The following WASF1 variants were observed in gnomAD, a reference collection of about 807,000 sequenced individuals.
The protein encoded by WASF1 is actin-binding protein WASF1.
In WASF1, 7 loss-of-function variants were observed where a neutral mutation model predicts 50.5. The observed-to-expected ratio is 0.14, with a 90% CI of 0.08 to 0.26. The LOEUF (loss-of-function observed/expected upper bound fraction) is 0.26. Ranked by LOEUF, WASF1 falls within the 10% of genes least tolerant of loss-of-function variation. The pLI is 1.00. For synonymous variants in WASF1, 205 were observed against 244.0 expected (o/e 0.84, Z 1.49); for missense variants, 470 against 694.7 (o/e 0.68, Z 3.64).
At chr6:110,160,894 A>G (rs540676599) in intron 2 of WASF1, among the ~76,000 whole-genome samples, 162 bp from the exon 3 acceptor site, 1 of 151,778 alleles carries the variant, frequency 6.6e-6, no homozygotes, top group African/African-American at 2.4e-5. Context: ...ATAGGAAATG[A>G]GAGGATCAAT....
chr6:110,140,512 G>A (rs1271232749), intron 3 of WASF1, among the ~76,000 whole-genome samples: 1 of 152,124 alleles, frequency 6.6e-6, no homozygotes, highest in Non-Finnish European at 1.5e-5. Flanking sequence ...GGTATCTCAA[G>A]AGGTGGCAGT....
At chr6:110,145,777 A>G (rs978232147) in intron 3 of WASF1, among the ~76,000 whole-genome samples, 1 of 152,184 alleles carries the variant, frequency 6.6e-6, no homozygotes, top group Non-Finnish European at 1.5e-5. Flanking sequence ...TGGCACATAT[A>G]TACCATGGAA....
At chr6:110,134,750 C>T (rs977168577) in intron 3 of WASF1, among the ~76,000 whole-genome samples, 15 of 152,016 alleles carry the variant, frequency 9.9e-5, no homozygotes, top group African/African-American at 3.6e-4. Context: ...TATACCAGTA[C>T]CATGTTGTTT....
intron 3 of WASF1, 83 bp from the exon 4 acceptor site, chr6:110,127,712 C>T: frequency 8.0e-7 from 1 of 1,250,056 alleles, no homozygotes; most frequent in Non-Finnish European, 1.0e-6. Flanking sequence ...AAGAATAAAG[C>T]ACTGTTGACC....
At chr6:110,144,084 G>T (rs1775409859) in intron 3 of WASF1, among the ~76,000 whole-genome samples, 1 of 152,142 alleles carries the variant, frequency 6.6e-6, no homozygotes, top group Admixed American at 6.5e-5. Context: ...CACCAACAGT[G>T]TAAAAGTGTT....
Position 110,100,427 on chromosome 6 carries a change from A to G in WASF1, c.*95T>C, listed in dbSNP as rs1357113817. ...AAGGGTCATTTATTATAAGGAAAAG[A>G]AAGCAAAACACTAGAATGACCAAAC... On this transcript the variant is annotated 3_prime_UTR_variant, in exon 11 of 11. Coordinates refer to ENST00000392589, the MANE Select transcript of WASF1 (RefSeq NM_003931.3). The G allele has an allele frequency of 5.8e-6, 7 of 1,214,622 alleles. No homozygotes were observed. Among genetic ancestry groups the G allele is most frequent in the Non-Finnish European group, 7.6e-6 (7 of 917,360 alleles). The allele number at this position is 1,214,622 out of a possible 1,614,324, so 75.2% of individuals were successfully genotyped here. A position where few individuals can be genotyped will look rare whatever the true frequency, so the allele number is the denominator to read the frequency against.
chr6:110,144,572 T>A (rs1018805667), intron 3 of WASF1, among the ~76,000 whole-genome samples: 2 of 152,228 alleles, frequency 1.3e-5, no homozygotes, highest in African/African-American at 4.8e-5. Flanking sequence ...GCCTAGGTTT[T>A]CTTCTAGGGT....
intron 4 of WASF1, among the ~76,000 whole-genome samples, chr6:110,115,197 T>G: frequency 6.8e-6 from 1 of 147,120 alleles, no homozygotes. Flanking sequence ...CAGATGAGAG[T>G]GTCCTATTCC....
intron 3 of WASF1, among the ~76,000 whole-genome samples, chr6:110,148,529 G>T (rs1230641053): frequency 6.6e-6 from 1 of 152,146 alleles, no homozygotes; most frequent in Admixed American, 6.6e-5. Context: ...TAGAATGAAA[G>T]GTGGACAGGG....
At chr6:110,166,022 A>C (rs1456859856) in intron 2 of WASF1, among the ~76,000 whole-genome samples, 2 of 151,790 alleles carry the variant, frequency 1.3e-5, no homozygotes, top group Non-Finnish European at 1.5e-5. Flanking sequence ...GCAGTAGGGC[A>C]AAGTTATATT....
chr6:110,104,466 G>T (rs1045439539), intron 8 of WASF1, among the ~76,000 whole-genome samples: 1 of 152,062 alleles, frequency 6.6e-6, no homozygotes, highest in African/African-American at 2.4e-5. Context: ...TTACTTAAAA[G>T]AAAACCTTAA....
At chr6:110,119,429 A>G (rs1773979012) in intron 4 of WASF1, among the ~76,000 whole-genome samples, 1 of 152,258 alleles carries the variant, frequency 6.6e-6, no homozygotes, top group South Asian at 2.1e-4. Context: ...CAAATAAACT[A>G]GAAAATCTAG....
At chr6:110,178,368 G>A (rs1777024974) in intron 2 of WASF1, among the ~76,000 whole-genome samples, 1 of 152,128 alleles carries the variant, frequency 6.6e-6, no homozygotes. Context: ...TTCTAATTAT[G>A]ATATAATGCT....
intron 5 of WASF1, among the ~76,000 whole-genome samples, chr6:110,110,367 A>G (rs1346539123): frequency 6.6e-6 from 1 of 152,244 alleles, no homozygotes; most frequent in Non-Finnish European, 1.5e-5. Context: ...GGCTCCTGCC[A>G]GAAGTGGGTT....
At chr6:110,131,040 A>G in intron 3 of WASF1, among the ~76,000 whole-genome samples, 1 of 152,072 alleles carries the variant, frequency 6.6e-6, no homozygotes, top group Non-Finnish European at 1.5e-5. Context: ...TTGTTGTGTT[A>G]GGGCTGATTT....
intron 3 of WASF1, among the ~76,000 whole-genome samples, chr6:110,160,404 GGA>G (rs1776215806): frequency 6.6e-6 from 1 of 151,668 alleles, no homozygotes; most frequent in Non-Finnish European, 1.5e-5. Flanking sequence ...TTTGAGCCTA[GGA>G]GAGTGTGCTA....
At chr6:110,108,925 C>T (rs991903225) in intron 5 of WASF1, among the ~76,000 whole-genome samples, 1 of 152,140 alleles carries the variant, frequency 6.6e-6, no homozygotes, top group African/African-American at 2.4e-5. Flanking sequence ...CTCAGAGGGC[C>T]CTAATGACAC....
chr6:110,146,459 G>T (rs974672916), intron 3 of WASF1, among the ~76,000 whole-genome samples: 1 of 151,640 alleles, frequency 6.6e-6, no homozygotes, highest in African/African-American at 2.4e-5. Context: ...TTATAATTGT[G>T]ACAGATATTA....
chr6:110,174,155 T>C (rs1310185824), intron 2 of WASF1, among the ~76,000 whole-genome samples: 1 of 152,138 alleles, frequency 6.6e-6, no homozygotes, highest in African/African-American at 2.4e-5. Context: ...TTTAACTGTT[T>C]CACCTGTTCT....
Sources: gnomAD v4.1 joint callset for allele counts (sites outside exome capture counted in the v4.1 genomes callset) on GRCh38, gnomAD v4.1.1 for gene constraint, MANE v1.5 for transcripts, NCBI Gene and HGNC (gene_info 2026-07-23, HGNC 2026-07-21) for gene names.